ZNF441: variants seen among roughly 807,000 people sequenced by gnomAD.
The protein encoded by ZNF441 is zinc finger protein 441.
ZNF441 carries 25 observed loss-of-function variants against 64.5 expected under a neutral mutation model. That is an observed-to-expected ratio of 0.39 (90% CI 0.28 to 0.54). The LOEUF (loss-of-function observed/expected upper bound fraction) is 0.54, where lower values mean the gene tolerates loss of function less well. Among genes scored for constraint, ZNF441 ranks in the 20% least tolerant of loss-of-function variants. The pLI, the probability that ZNF441 is intolerant of heterozygous loss-of-function variation, is 0.70. For missense variants in ZNF441, 715 were observed against 843.3 expected, an observed-to-expected ratio of 0.85 and a Z score of 1.88; for synonymous variants, 262 against 268.0, an observed-to-expected ratio of 0.98 and a Z score of 0.22.
chr19:11,780,407 C>A lies in ZNF441; in HGVS notation c.583C>A (p.Pro195Thr), dbSNP rs73922692. The A allele has an allele frequency of 6.2e-7, 1 of 1,614,154 alleles. No homozygotes were observed. The highest frequency in any genetic ancestry group is 8.5e-7 in the Non-Finnish European group (1 of 1,180,038). ...CATGGCAGCACACCATGGAGATGGACCTCGTATATGTAAGTTGTGTGGAAA... is the reference window on the plus strand; with the variant it reads ...CATGGCAGCACACCATGGAGATGGAACTCGTATATGTAAGTTGTGTGGAAA... ...RHMAAHHGDGPRICKLCGNAF... is the reference protein window; with the variant it reads ...RHMAAHHGDGTRICKLCGNAF... Residue 195 changes from proline (P) to threonine (T), a missense_variant, in exon 4 of 4, where the codon CCT becomes ACT. Pro to Thr is a conservative substitution (Grantham distance 38). Transcript: ENST00000357901.
Position 11,780,171 on chromosome 19 carries a change from C to A in ZNF441, c.347C>A (p.Ser116Ter). 6.2e-7 allele frequency: 1 copy of A among 1,614,138 alleles called. No individual in the cohort carries two copies. The highest frequency in any genetic ancestry group is 1.1e-5 in the South Asian group (1 of 91,058). The change falls in exon 4 of 4, where the codon TCA becomes TAA. Residue 116 changes from serine to a stop codon, truncating the protein, a stop_gained. Coordinates refer to ENST00000357901, the MANE Select transcript of ZNF441 (RefSeq NM_152355.3). LOFTEE classifies it high-confidence loss of function. ...TGTACAGACGTCCTCATGGGTCGTTCATCTCTTAATTGCTACGTTAGAGTT... is the reference window on the plus strand; with the variant it reads ...TGTACAGACGTCCTCATGGGTCGTTAATCTCTTAATTGCTACGTTAGAGTT... ...SECTDVLMGR[S>*]SLNCYVRVDS...
chr19:11,774,657 T>C (rs1975340869), intron 1 of ZNF441, among the ~76,000 whole-genome samples: 1 of 152,216 alleles, frequency 6.6e-6, no homozygotes. Context: ...ACATCCCTTT[T>C]CTGGTTTTCT....
chr19:11,775,600 A>G (rs1191103326), intron 1 of ZNF441, among the ~76,000 whole-genome samples: 1 of 139,386 alleles, frequency 7.2e-6, no homozygotes, highest in Non-Finnish European at 1.5e-5. Flanking sequence ...AAGTGCTGGG[A>G]TTACAGGCAT....
chr19:11,781,261 G>A lies in ZNF441; in HGVS notation c.1437G>A (p.Gln479=). The change falls in exon 4 of 4, where the codon CAG becomes CAA. Residue 479 remains glutamine (Q), a synonymous_variant. Coordinates refer to ENST00000357901, the MANE Select transcript of ZNF441 (RefSeq NM_152355.3). ...HTGEKPYECK[Q]CGKALSHLKS... is the part of the protein sequence containing the mutation. ...GAGAAAAGCCCTATGAATGTAAGCA[G>A]TGTGGAAAAGCACTTTCTCATCTGA... 1 of 1,611,766 alleles carries A rather than the reference G, an allele frequency of 6.2e-7. No individual in the cohort carries two copies. Among genetic ancestry groups the A allele is most frequent in the Non-Finnish European group, 8.5e-7 (1 of 1,179,374 alleles).
Position 11,782,156 on chromosome 19 carries a change from C to G in ZNF441, c.*250C>G. ...TTTCAAAGGTGGTTATTATAACATACTAGCAATGGACCTTACTACTGTAAG... is the reference window on the plus strand; with the variant it reads ...TTTCAAAGGTGGTTATTATAACATAGTAGCAATGGACCTTACTACTGTAAG... On this transcript the variant is annotated 3_prime_UTR_variant, in exon 4 of 4. Coordinates refer to ENST00000357901, the MANE Select transcript of ZNF441 (RefSeq NM_152355.3). 1 of 351,018 alleles carries G rather than the reference C, an allele frequency of 2.8e-6. No individual in the cohort carries two copies. The highest frequency in any genetic ancestry group is 5.1e-6 in the Non-Finnish European group (1 of 194,276). 21.7% of individuals were successfully genotyped at this position (351,018 alleles called of 1,614,324 possible).
chr19:11,773,383 T>C (rs1325531096), intron 1 of ZNF441, among the ~76,000 whole-genome samples: 1 of 152,228 alleles, frequency 6.6e-6, no homozygotes, highest in African/African-American at 2.4e-5. Context: ...TATCTTGGTA[T>C]ATACTTCATG....
At position 11,782,139 on chromosome 19, in the gene ZNF441, G is replaced by A; in HGVS notation, c.*233G>A. ...TTCTTTGTCTAGCAAACTTTCAAAG[G>A]TGGTTATTATAACATACTAGCAATG... On this transcript the variant is annotated 3_prime_UTR_variant, in exon 4 of 4. Coordinates refer to ENST00000357901, the MANE Select transcript of ZNF441 (RefSeq NM_152355.3). 1 of 384,666 alleles carries A rather than the reference G, an allele frequency of 2.6e-6. No homozygotes were observed. The highest frequency in any genetic ancestry group is 4.6e-6 in the Non-Finnish European group (1 of 215,126). 23.8% of individuals were successfully genotyped at this position (384,666 alleles called of 1,614,324 possible).
chr19:11,783,984 C>A lies in ZNF441; in HGVS notation c.*2078C>A, dbSNP rs1320682895. ...CCCAAATACGCTGACTTGACCATTA[C>A]ACATTCTATGCATGCAAGAAATGCT... is the stretch of plus-strand genomic sequence containing the variant. On this transcript the variant is annotated 3_prime_UTR_variant, in exon 4 of 4. Transcript: ENST00000357901. 3 of 152,192 alleles carry A rather than the reference C, an allele frequency of 2.0e-5. No homozygotes were observed. The highest frequency in any genetic ancestry group is 4.4e-5 in the Non-Finnish European group (3 of 68,038). The allele number at this position is 152,192 out of a possible 1,614,324, so 9.4% of individuals were successfully genotyped here. A position where few individuals can be genotyped will look rare whatever the true frequency, so the allele number is the denominator to read the frequency against.
chr19:11,779,296 G>A (rs1975377674), intron 3 of ZNF441, among the ~76,000 whole-genome samples: 1 of 145,602 alleles, frequency 6.9e-6, no homozygotes, highest in Non-Finnish European at 1.5e-5. Context: ...TCCAGCCTGG[G>A]CAACAGAGCA....
Position 11,780,450 on chromosome 19 carries a change from G to T in ZNF441, c.626G>T (p.Ser209Ile). 3.7e-6 allele frequency: 6 copies of T among 1,614,172 alleles called. No homozygotes were observed. Among genetic ancestry groups the T allele is most frequent in the Non-Finnish European group, 5.1e-6 (6 of 1,180,036 alleles). Reference sequence around the variant, plus strand: ...TGTGGAAACGCCTTTATTTGGCCTAGTTTATTTCATATGCTTAGAAGAACT... The same window carrying T: ...TGTGGAAACGCCTTTATTTGGCCTATTTTATTTCATATGCTTAGAAGAACT... ...KLCGNAFIWPSLFHMLRRTHT... is the reference protein window; with the variant it reads ...KLCGNAFIWPILFHMLRRTHT... The change falls in exon 4 of 4, where the codon AGT (serine) becomes ATT (isoleucine). Residue 209 changes from serine to isoleucine, a missense_variant. By Grantham distance (142) the Ser-to-Ile change is moderately radical. Coordinates refer to ENST00000357901, the MANE Select transcript of ZNF441 (RefSeq NM_152355.3).
intron 1 of ZNF441, among the ~76,000 whole-genome samples, chr19:11,773,861 A>G (rs942518153): frequency 6.6e-6 from 1 of 152,080 alleles, no homozygotes; most frequent in African/African-American, 2.4e-5. Context: ...CTTCTTTTTC[A>G]TTATACTCTG....
At chr19:11,775,834 A>G (rs376797) in intron 1 of ZNF441, among the ~76,000 whole-genome samples, 75,536 of 150,552 alleles carry the variant, frequency 0.5, 20,686 homozygotes, top group African/African-American at 0.75. Flanking sequence ...CGACATGTTG[A>G]CCAGGCTGGT....
intron 2 of ZNF441, chr19:11,778,109 T>C: frequency 2.0e-6 from 1 of 489,428 alleles, no homozygotes; most frequent in African/African-American, 2.0e-5. Context: ...GTCTTTACAT[T>C]GAGTAGACTG....
At chr19:11,779,505 G>A (rs941965514) in intron 3 of ZNF441, among the ~76,000 whole-genome samples, 14 of 151,772 alleles carry the variant, frequency 9.2e-5, no homozygotes, top group African/African-American at 2.7e-4. Context: ...CAGCATTTTG[G>A]GAGGCTGAGG....
intron 3 of ZNF441, among the ~76,000 whole-genome samples, chr19:11,778,669 A>G (rs1355038152): frequency 6.6e-6 from 1 of 151,932 alleles, no homozygotes; most frequent in East Asian, 1.9e-4. Flanking sequence ...GTTTGACCAG[A>G]CTCATCTCCA....
chr19:11,776,886 G>T (rs146578386), intron 1 of ZNF441, among the ~76,000 whole-genome samples: 7 of 151,366 alleles, frequency 4.6e-5, no homozygotes, highest in Non-Finnish European at 1.0e-4. Flanking sequence ...TCGGCTCACC[G>T]CAACCTTCGC....
Position 11,778,706 on chromosome 19 carries a change from C to G in ZNF441, c.194+313C>G, listed in dbSNP as rs76126795. Among the ~76,000 whole-genome samples the G allele has an allele frequency of 2.0e-3, 312 of 152,270 alleles. 2 individuals carry two copies. The highest frequency in any genetic ancestry group is 6.8e-3 in the African/African-American group (283 of 41,542). On this transcript the variant is annotated intron_variant, in intron 3 of 3. Transcript: ENST00000357901. ...CTCCTGTCCTTAAGCGTTCCTCCTG[C>G]CTTGGCCTCTCAAAAGGCAGGTATT...
chr19:11,768,728 C>T (rs1975290247), intron 1 of ZNF441, among the ~76,000 whole-genome samples: 1 of 152,180 alleles, frequency 6.6e-6, no homozygotes. Flanking sequence ...CCTGGTATAC[C>T]CTTCCTCAAT....
intron 2 of ZNF441, chr19:11,777,964 A>G (rs1382505789): frequency 6.7e-6 from 3 of 449,612 alleles, no homozygotes; most frequent in Non-Finnish European, 1.2e-5. Flanking sequence ...ATTATATGTC[A>G]TATGTATTAC....
Sources: gnomAD v4.1 joint callset for allele counts (sites outside exome capture counted in the v4.1 genomes callset) on GRCh38, gnomAD v4.1.1 for gene constraint, MANE v1.5 for transcripts, NCBI Gene and HGNC (gene_info 2026-07-23, HGNC 2026-07-21) for gene names.